C8orf34: variants seen among roughly 807,000 people sequenced by gnomAD.
C8orf34 encodes uncharacterized protein C8orf34.
C8orf34 carries 65 observed loss-of-function variants against 68.3 expected under a neutral mutation model. That is an observed-to-expected ratio of 0.95 (90% confidence interval 0.78 to 1.17). The LOEUF (loss-of-function observed/expected upper bound fraction) is 1.17. Among genes scored for constraint, C8orf34 ranks in the 50% most tolerant of loss-of-function variants. C8orf34 has a pLI of 0.00. For synonymous variants in C8orf34, 244 were observed against 241.2 expected (o/e 1.01, Z -0.11); for missense variants, 664 against 655.4 (o/e 1.01, Z -0.14).
At chr8:68,382,953 T>G (rs2129620285) in intron 1 of C8orf34, among the ~76,000 whole-genome samples, 1 of 152,284 alleles carries the variant, frequency 6.6e-6, no homozygotes, top group African/African-American at 2.4e-5. Context: ...GAAAGGGGGT[T>G]CCTCAGACAG....
intron 5 of C8orf34, among the ~76,000 whole-genome samples, chr8:68,518,824 G>A (rs1814625103): frequency 6.6e-6 from 1 of 150,706 alleles, no homozygotes; most frequent in South Asian, 2.1e-4. Flanking sequence ...AACCCAGGAG[G>A]TGGAGGTTGC....
intron 3 of C8orf34, among the ~76,000 whole-genome samples, chr8:68,453,921 T>C (rs1363505312): frequency 2.6e-5 from 4 of 152,046 alleles, no homozygotes; most frequent in Non-Finnish European, 1.5e-5. Flanking sequence ...TTTTCCAAAA[T>C]GCCTTTTATC....
intron 10 of C8orf34, among the ~76,000 whole-genome samples, chr8:68,733,378 G>A (rs1377028456): frequency 1.3e-5 from 2 of 152,152 alleles, no homozygotes; most frequent in East Asian, 1.9e-4. Flanking sequence ...AATGTAGGCT[G>A]CACTAAGTTA....
intron 10 of C8orf34, among the ~76,000 whole-genome samples, chr8:68,729,702 A>G (rs1159284166): frequency 1.3e-5 from 2 of 152,200 alleles, no homozygotes; most frequent in South Asian, 2.1e-4. Flanking sequence ...TTGTACTCAT[A>G]TAATTCTTGT....
intron 10 of C8orf34, among the ~76,000 whole-genome samples, chr8:68,757,351 C>T (rs1382193789): frequency 6.6e-6 from 1 of 152,018 alleles, no homozygotes; most frequent in African/African-American, 2.4e-5. Flanking sequence ...AAATGTTAGC[C>T]GGGCGCAGTG....
At chr8:68,622,524 G>A (rs1818417710) in intron 7 of C8orf34, among the ~76,000 whole-genome samples, 1 of 152,180 alleles carries the variant, frequency 6.6e-6, no homozygotes, top group Non-Finnish European at 1.5e-5. Flanking sequence ...TGCTTATATA[G>A]CAGTGTGGTA....
intron 7 of C8orf34, among the ~76,000 whole-genome samples, chr8:68,539,128 C>G (rs76100254): frequency 0.01 from 1,561 of 152,198 alleles, 37 homozygotes; most frequent in African/African-American, 0.034. Context: ...TGTAAACAAA[C>G]CTAAACTAAA....
chr8:68,337,394 A>G (rs906764849), intron 1 of C8orf34, among the ~76,000 whole-genome samples: 2 of 152,194 alleles, frequency 1.3e-5, no homozygotes, highest in African/African-American at 4.8e-5. Context: ...GCTAATAGAG[A>G]AAATCTACAA....
At chr8:68,679,381 G>T (rs1002705624) in intron 8 of C8orf34, among the ~76,000 whole-genome samples, 2 of 151,700 alleles carry the variant, frequency 1.3e-5, no homozygotes, top group East Asian at 3.9e-4. Context: ...GAAGTGAAAG[G>T]TCTCTACAAT....
intron 11 of C8orf34, among the ~76,000 whole-genome samples, chr8:68,783,853 C>T (rs1823766450): frequency 6.6e-6 from 1 of 152,110 alleles, no homozygotes; most frequent in African/African-American, 2.4e-5. Flanking sequence ...TTAACCGAAA[C>T]CATCTCAGAT....
At chr8:68,739,964 T>C (rs1822234620) in intron 10 of C8orf34, among the ~76,000 whole-genome samples, 1 of 152,150 alleles carries the variant, frequency 6.6e-6, no homozygotes, top group Admixed American at 6.5e-5. Flanking sequence ...CCTACAACTA[T>C]CTGATCTTCA....
Position 68,700,776 on chromosome 8 carries a change from CT to C in C8orf34, c.1242-8212del, listed in dbSNP as rs1002981483. Among the ~76,000 whole-genome samples the C allele has an allele frequency of 6.6e-5, 10 of 152,112 alleles. No individual in the cohort carries two copies. In the East Asian group the frequency reaches 1.4e-3, roughly 21 times the overall value. On this transcript the variant is annotated intron_variant, in intron 8 of 13. Transcript: ENST00000518698. ...TTTTTGATGTTGGTGACAGTTTTGA[CT>C]TTTTTAAGGCTTCAAAATTGAGTGA...
chr8:68,619,663 G>A (rs1361163784), intron 7 of C8orf34, among the ~76,000 whole-genome samples: 1 of 152,152 alleles, frequency 6.6e-6, no homozygotes, highest in African/African-American at 2.4e-5. Context: ...TAACTTCTTT[G>A]AGGGCACAGG....
chr8:68,636,220 T>G (rs1161055834), intron 7 of C8orf34, among the ~76,000 whole-genome samples: 1 of 152,046 alleles, frequency 6.6e-6, no homozygotes, highest in African/African-American at 2.4e-5. Context: ...TGATCTTTAT[T>G]GATGAAGTCC....
chr8:68,733,597 C>A (rs1822044426), intron 10 of C8orf34, among the ~76,000 whole-genome samples: 1 of 151,916 alleles, frequency 6.6e-6, no homozygotes, highest in South Asian at 2.1e-4. Context: ...ACAGGTTTAG[C>A]GTTTCAATAT....
intron 8 of C8orf34, among the ~76,000 whole-genome samples, chr8:68,681,919 A>G (rs1820381953): frequency 6.6e-6 from 1 of 152,212 alleles, no homozygotes; most frequent in African/African-American, 2.4e-5. Flanking sequence ...AGGCTTAGAA[A>G]GACAAACTTT....
At chr8:68,527,447 C>CT (rs1327594511) in intron 6 of C8orf34, among the ~76,000 whole-genome samples, 1 of 152,142 alleles carries the variant, frequency 6.6e-6, no homozygotes, top group Non-Finnish European at 1.5e-5. Flanking sequence ...TGGTGGGCGC[C>CT]TGTAGTCCCA....
intron 11 of C8orf34, among the ~76,000 whole-genome samples, chr8:68,780,978 A>C (rs1180045799): frequency 6.6e-6 from 1 of 152,188 alleles, no homozygotes; most frequent in Non-Finnish European, 1.5e-5. Context: ...TTGTTTTATA[A>C]TATGCTTCAG....
At chr8:68,338,910 T>C (rs1407375534) in intron 1 of C8orf34, among the ~76,000 whole-genome samples, 1 of 152,134 alleles carries the variant, frequency 6.6e-6, no homozygotes, top group East Asian at 1.9e-4. Context: ...TTAGCCATTC[T>C]AATAGGTTTG....
Sources: allele counts gnomAD v4.1 joint callset (sites outside exome capture counted in the v4.1 genomes callset), GRCh38; gene constraint gnomAD v4.1.1; transcripts MANE v1.5; gene names NCBI Gene and HGNC (gene_info 2026-07-23, HGNC 2026-07-21).